The following JAZF1 variants were observed in gnomAD, a reference collection of about 807,000 sequenced individuals.
The protein encoded by JAZF1 is juxtaposed with another zinc finger protein 1.
Under a neutral mutation model 26.4 loss-of-function variants are expected in JAZF1, and 8 were observed. The observed-to-expected ratio is 0.30, with a 90% CI of 0.18 to 0.55. The LOEUF is 0.55. Among genes scored for constraint, JAZF1 ranks in the 20% least tolerant of loss-of-function variants. JAZF1 has a pLI of 0.94. For synonymous variants in JAZF1, 126 were observed against 122.3 expected (o/e 1.03, Z -0.20); for missense variants, 199 against 322.0 (o/e 0.62, Z 2.92).
chr7:27,921,871 A>C (rs961927237), intron 2 of JAZF1, among the ~76,000 whole-genome samples: 8 of 152,202 alleles, frequency 5.3e-5, no homozygotes, highest in Non-Finnish European at 1.2e-4. Context: ...ACAAAAATAG[A>C]AAAGTATTTT....
At chr7:28,051,412 G>A (rs1783615265) in intron 1 of JAZF1, among the ~76,000 whole-genome samples, 1 of 151,692 alleles carries the variant, frequency 6.6e-6, no homozygotes, top group African/African-American at 2.4e-5. Flanking sequence ...AGTAGTGATG[G>A]GGTTTCACCA....
intron 1 of JAZF1, among the ~76,000 whole-genome samples, chr7:28,151,529 G>A (rs923874717): frequency 2.0e-5 from 3 of 151,646 alleles, no homozygotes; most frequent in South Asian, 2.1e-4. Flanking sequence ...GGCCAGGCAC[G>A]GTGGCTCATG....
chr7:28,091,075 C>T (rs1323234948), intron 1 of JAZF1, among the ~76,000 whole-genome samples: 1 of 151,792 alleles, frequency 6.6e-6, no homozygotes, highest in Non-Finnish European at 1.5e-5. Flanking sequence ...ATCCACCCGC[C>T]TCGGCCTCCC....
At chr7:28,025,307 G>A (rs1783076530) in intron 1 of JAZF1, among the ~76,000 whole-genome samples, 2 of 152,200 alleles carry the variant, frequency 1.3e-5, no homozygotes, top group Non-Finnish European at 2.9e-5. Flanking sequence ...AAAGCTATGA[G>A]TAAGAAAGAG....
At chr7:28,020,032 A>T (rs1223917174) in intron 1 of JAZF1, among the ~76,000 whole-genome samples, 1 of 152,086 alleles carries the variant, frequency 6.6e-6, no homozygotes, top group Non-Finnish European at 1.5e-5. Context: ...CAACAGACAC[A>T]TGTTCTGCCC....
intron 1 of JAZF1, among the ~76,000 whole-genome samples, chr7:28,169,746 C>A (rs1783423521): frequency 6.6e-6 from 1 of 152,172 alleles, no homozygotes; most frequent in Non-Finnish European, 1.5e-5. Flanking sequence ...ATGCCTATTA[C>A]CATGGTGTTC....
intron 1 of JAZF1, among the ~76,000 whole-genome samples, chr7:28,157,502 T>C (rs1783206245): frequency 6.6e-6 from 1 of 152,230 alleles, no homozygotes; most frequent in Non-Finnish European, 1.5e-5. Flanking sequence ...TTTCACATTT[T>C]TTCCAACCAT....
chr7:28,085,717 A>T (rs1386147687), intron 1 of JAZF1, among the ~76,000 whole-genome samples: 1 of 152,234 alleles, frequency 6.6e-6, no homozygotes, highest in Non-Finnish European at 1.5e-5. Context: ...TGTAGCCATT[A>T]ATCACAGAGC....
At chr7:28,114,671 G>T (rs1232367271) in intron 1 of JAZF1, among the ~76,000 whole-genome samples, 1 of 150,156 alleles carries the variant, frequency 6.7e-6, no homozygotes, top group East Asian at 2.0e-4. Flanking sequence ...AAAGGAACAT[G>T]ACATGGGTTC....
In JAZF1 at chr7:28,010,992, A is replaced by G. The variant is rs560682965; in HGVS notation, c.116-19011T>C. On this transcript the variant is annotated intron_variant, in intron 1 of 4. Transcript: ENST00000283928. ...CTGCTGCTTACTGTGTGGTGAACCC[A>G]GTATCTCTGGTGGTAACTAGCGGGC... Among the ~76,000 whole-genome samples the G allele has an allele frequency of 3.9e-5, 6 of 152,318 alleles. No homozygotes were observed. The South Asian group carries it at 1.0e-3, about 26-fold the overall frequency.
chr7:28,029,911 G>C (rs1236072981), intron 1 of JAZF1, among the ~76,000 whole-genome samples: 1 of 152,232 alleles, frequency 6.6e-6, no homozygotes, highest in Non-Finnish European at 1.5e-5. Flanking sequence ...TGAAAGTCAA[G>C]GGGTTGAGGT....
chr7:27,986,203 T>G (rs1233333881), intron 2 of JAZF1, among the ~76,000 whole-genome samples: 1 of 152,216 alleles, frequency 6.6e-6, no homozygotes, highest in Non-Finnish European at 1.5e-5. Flanking sequence ...TGATTGTATA[T>G]TTAGAAAACC....
chr7:28,065,128 A>G (rs1238671223), intron 1 of JAZF1, among the ~76,000 whole-genome samples: 2 of 152,206 alleles, frequency 1.3e-5, no homozygotes, highest in East Asian at 1.9e-4. Context: ...AAAATGACCA[A>G]AGAATCAGTC....
intron 2 of JAZF1, among the ~76,000 whole-genome samples, chr7:27,925,807 A>G (rs932052366): frequency 1.3e-5 from 2 of 152,238 alleles, no homozygotes; most frequent in African/African-American, 4.8e-5. Context: ...AGTTCTTAAA[A>G]ATCATGGCAG....
chr7:27,853,455 G>A (rs756805171), intron 3 of JAZF1, among the ~76,000 whole-genome samples: 6 of 152,102 alleles, frequency 3.9e-5, no homozygotes, highest in Admixed American at 6.5e-5. Context: ...GTGAGCGTGT[G>A]GGTGGCCCTG....
At chr7:28,117,233 T>G (rs1784761246) in intron 1 of JAZF1, among the ~76,000 whole-genome samples, 1 of 152,178 alleles carries the variant, frequency 6.6e-6, no homozygotes. Context: ...TTGAATTTAG[T>G]CAAATTTATC....
chr7:27,929,965 T>C (rs79807772), intron 2 of JAZF1, among the ~76,000 whole-genome samples: 3 of 149,918 alleles, frequency 2.0e-5, no homozygotes, highest in Admixed American at 6.6e-5. Context: ...TCTCTCCCCC[T>C]CTCTCCCTCC....
chr7:27,969,094 T>C (rs886949754), intron 2 of JAZF1, among the ~76,000 whole-genome samples: 3 of 152,182 alleles, frequency 2.0e-5, no homozygotes, highest in African/African-American at 4.8e-5. Context: ...ATAGGCAAAC[T>C]TGGACAACTC....
intron 3 of JAZF1, among the ~76,000 whole-genome samples, chr7:27,845,590 A>T (rs1783009255): frequency 6.6e-6 from 1 of 151,518 alleles, no homozygotes; most frequent in Non-Finnish European, 1.5e-5. Flanking sequence ...CCAGCTACTC[A>T]GGAGGCTGAG....
Sources: allele counts gnomAD v4.1 joint callset (sites outside exome capture counted in the v4.1 genomes callset), GRCh38; gene constraint gnomAD v4.1.1; transcripts MANE v1.5; gene names NCBI Gene and HGNC (gene_info 2026-07-23, HGNC 2026-07-21).